Variants in DNM3 observed in about 807,000 individuals in gnomAD.
DNM3 encodes the protein dynamin-3.
DNM3 carries 47 observed loss-of-function variants against 101.6 expected under a neutral mutation model. That is an observed-to-expected ratio of 0.46 (90% CI 0.37 to 0.59). DNM3 has a LOEUF of 0.59. Among genes scored for constraint, DNM3 ranks in the 20% least tolerant of loss-of-function variants. The probability of loss-of-function intolerance (pLI) is 0.00; values close to 1 mark genes in which losing one functional copy is unlikely to be tolerated. For synonymous variants in DNM3, 385 were observed against 387.9 expected (o/e 0.99, Z 0.09); for missense variants, 849 against 1,085.7 (o/e 0.78, Z 3.06).
chr1:172,223,173 T>C (rs79846258), intron 14 of DNM3, among the ~76,000 whole-genome samples: 3,582 of 152,088 alleles, frequency 0.024, 81 homozygotes, highest in Non-Finnish European at 0.033. Flanking sequence ...CCAAAACTTA[T>C]TCCTCCTGTC....
At chr1:172,346,148 A>G (rs111645205) in intron 17 of DNM3, among the ~76,000 whole-genome samples, 8 of 151,918 alleles carry the variant, frequency 5.3e-5, no homozygotes, top group African/African-American at 1.9e-4. Context: ...AAAAAGAAAG[A>G]AAGAAAAAGA....
At chr1:172,371,331 T>C (rs1417909598) in intron 17 of DNM3, among the ~76,000 whole-genome samples, 2 of 152,026 alleles carry the variant, frequency 1.3e-5, no homozygotes, top group African/African-American at 4.8e-5. Flanking sequence ...ATTAGTAAGA[T>C]TGTAGCCTGA....
chr1:171,920,481 A>C (rs2040070742), intron 1 of DNM3, among the ~76,000 whole-genome samples: 1 of 152,192 alleles, frequency 6.6e-6, no homozygotes, highest in Non-Finnish European at 1.5e-5. Flanking sequence ...GAATATGATG[A>C]ATCTGTAGCT....
intron 15 of DNM3, among the ~76,000 whole-genome samples, chr1:172,301,331 G>T (rs1221644748): frequency 1.3e-5 from 2 of 151,962 alleles, no homozygotes; most frequent in African/African-American, 4.8e-5. Flanking sequence ...GTGAGACCTT[G>T]TCTCTACTAA....
chr1:172,133,047 A>G, intron 14 of DNM3: 1 of 1,475,986 alleles, frequency 6.8e-7, no homozygotes, highest in Non-Finnish European at 8.9e-7. Flanking sequence ...GTCCAAGCCA[A>G]CCTCATCCCA....
intron 2 of DNM3, among the ~76,000 whole-genome samples, chr1:171,951,834 T>C (rs141022189): frequency 1.6e-4 from 25 of 152,312 alleles, no homozygotes; most frequent in African/African-American, 6.0e-4. Flanking sequence ...GAAAGTGAGC[T>C]TAAGTGGTTA....
At chr1:171,972,952 T>C (rs1035870482) in intron 2 of DNM3, among the ~76,000 whole-genome samples, 2 of 152,210 alleles carry the variant, frequency 1.3e-5, no homozygotes, top group Non-Finnish European at 2.9e-5. Context: ...TACCCTGAAG[T>C]TATTTGCACA....
At chr1:171,934,320 G>A (rs1242831606) in intron 2 of DNM3, among the ~76,000 whole-genome samples, 2 of 152,118 alleles carry the variant, frequency 1.3e-5, no homozygotes, top group Admixed American at 6.5e-5. Flanking sequence ...AAGCATCCTT[G>A]CATTCCTAAG....
chr1:172,336,862 G>A (rs912213764), intron 17 of DNM3, among the ~76,000 whole-genome samples: 1 of 152,154 alleles, frequency 6.6e-6, no homozygotes, highest in Non-Finnish European at 1.5e-5. Flanking sequence ...CTTTGTGCAA[G>A]TGACTCTGAT....
chr1:172,269,027 A>G lies in DNM3; in HGVS notation c.1769+15345A>G, dbSNP rs2062979036. On this transcript the variant is annotated intron_variant, in intron 15 of 20. Transcript: ENST00000627582. ...CAAACAAATAGATTGATAGGATAGA[A>G]TCAGCAACTTCAGTTGCTTTCTTCC... Among the ~76,000 whole-genome samples, 2 of 152,332 alleles carry G rather than the reference A, an allele frequency of 1.3e-5. 1 individual carries two copies. The highest frequency in any genetic ancestry group is 4.8e-5 in the African/African-American group (2 of 41,580).
chr1:171,895,448 T>G lies in DNM3; in HGVS notation c.162-26300T>G, dbSNP rs1475428871. Among the ~76,000 whole-genome samples, 3 of 152,252 alleles carry G rather than the reference T, an allele frequency of 2.0e-5. No individual in the cohort carries two copies. The East Asian group carries it at 5.8e-4, about 29-fold the overall frequency. ...CATAAATGTCTTCTTTTGAGAAGTG[T>G]CTGTTCATATCCTTTGCCCACTTTT... On this transcript the variant is annotated intron_variant, in intron 1 of 20. Transcript: ENST00000627582.
intron 15 of DNM3, among the ~76,000 whole-genome samples, chr1:172,261,517 T>C (rs946410770): frequency 6.6e-6 from 1 of 152,234 alleles, no homozygotes; most frequent in Non-Finnish European, 1.5e-5. Context: ...CAGTGTGCAC[T>C]GGTGCTGGTG....
At chr1:172,157,861 T>A (rs1402419742) in intron 14 of DNM3, among the ~76,000 whole-genome samples, 1 of 151,892 alleles carries the variant, frequency 6.6e-6, no homozygotes, top group Non-Finnish European at 1.5e-5. Context: ...CTGGAAACAA[T>A]CCCTCACAGA....
At chr1:171,906,659 T>C (rs1237347109) in intron 1 of DNM3, among the ~76,000 whole-genome samples, 1 of 152,214 alleles carries the variant, frequency 6.6e-6, no homozygotes, top group Non-Finnish European at 1.5e-5. Context: ...TTGGAAGCTA[T>C]ATGTTATTTT....
rs1162014781 is a variant in DNM3, at chr1:172,131,370, T to A, written c.1659+82T>A. The A allele has an allele frequency of 2.5e-6, 3 of 1,186,632 alleles. No individual in the cohort carries two copies. In the African/African-American group the frequency reaches 4.6e-5, roughly 18 times the overall value. 73.5% of individuals were successfully genotyped at this position (1,186,632 alleles called of 1,614,324 possible). On this transcript the variant is annotated intron_variant, in intron 14 of 20. Transcript: ENST00000627582. ...ACTGATATTATTATACTATGCAATT[T>A]TGAGACACCAGTGGTTCTCTTTCAG... is the stretch of plus-strand genomic sequence containing the variant.
In DNM3 at chr1:172,227,894, CAT is replaced by C. The variant is rs200761683; in HGVS notation, c.1660-25678_1660-25677del. Among the ~76,000 whole-genome samples, 800 of 152,230 alleles carry C rather than the reference CAT, an allele frequency of 5.3e-3. 5 individuals are homozygous for C. Among genetic ancestry groups the C allele is most frequent in the African/African-American group, 0.018 (762 of 41,554 alleles). On this transcript the variant is annotated intron_variant, in intron 14 of 20. Coordinates refer to ENST00000627582, the MANE Select transcript of DNM3 (RefSeq NM_015569.5). Reference sequence around the variant, plus strand: ...TTAGTCTAATATACAAGTTCACACACATGTGTAATTTTAATGTGCATTTCTTT... The same window carrying C: ...TTAGTCTAATATACAAGTTCACACACGTGTAATTTTAATGTGCATTTCTTT...
At chr1:172,033,380 C>T in intron 6 of DNM3, 115 bp downstream of exon 6, 3 of 1,148,744 alleles carry the variant, frequency 2.6e-6, no homozygotes, top group Non-Finnish European at 2.4e-6. Flanking sequence ...CATGCAGCTT[C>T]AATGATAGGG....
At chr1:172,368,170 T>C (rs2068127049) in intron 17 of DNM3, among the ~76,000 whole-genome samples, 1 of 151,950 alleles carries the variant, frequency 6.6e-6, no homozygotes, top group South Asian at 2.1e-4. Context: ...CTACAGAATA[T>C]GTGCTCTTCT....
chr1:172,048,856 T>C (rs1306468057), intron 10 of DNM3, 106 bp downstream of exon 10: 1 of 1,377,720 alleles, frequency 7.3e-7, no homozygotes, highest in Non-Finnish European at 1.0e-6. Flanking sequence ...TTATAGATGT[T>C]GTGTGTTTGC....
Sources: allele counts gnomAD v4.1 joint callset (sites outside exome capture counted in the v4.1 genomes callset), GRCh38; gene constraint gnomAD v4.1.1; transcripts MANE v1.5; gene names NCBI Gene and HGNC (gene_info 2026-07-23, HGNC 2026-07-21).